Variants in EIF3H observed in about 807,000 individuals in gnomAD.
EIF3H encodes eIF-3-gamma.
Under a neutral mutation model 44.2 loss-of-function variants are expected in EIF3H, and 26 were observed. The ratio of observed to expected loss-of-function variants is 0.59; its 90% confidence interval spans 0.43 to 0.82. The LOEUF (loss-of-function observed/expected upper bound fraction) is 0.82, where lower values mean the gene tolerates loss of function less well. EIF3H is among the 40% of genes least tolerant of loss of function. The probability of loss-of-function intolerance (pLI) is 0.00; values close to 1 mark genes in which losing one functional copy is unlikely to be tolerated. For synonymous variants in EIF3H, 166 were observed against 151.9 expected (o/e 1.09, Z -0.68); for missense variants, 359 against 432.8 (o/e 0.83, Z 1.51).
intron 2 of EIF3H, 87 bp from the exon 3 acceptor site, chr8:116,659,067 T>C (rs1813542911): frequency 8.8e-7 from 1 of 1,133,554 alleles, no homozygotes; most frequent in Non-Finnish European, 1.2e-6. Flanking sequence ...GAAACAAATG[T>C]CTACATAACA....
intron 1 of EIF3H, among the ~76,000 whole-genome samples, chr8:116,737,996 T>C (rs746868140): frequency 1.4e-5 from 2 of 147,078 alleles, no homozygotes; most frequent in East Asian, 2.1e-4. Context: ...GATCGCACTA[T>C]TGCACTCCAG....
intron 2 of EIF3H, among the ~76,000 whole-genome samples, chr8:116,670,284 G>A (rs1016712619): frequency 7.2e-5 from 11 of 152,316 alleles, no homozygotes; most frequent in African/African-American, 2.4e-4. Context: ...ACAAGTATGT[G>A]GGGAGAATGC....
At chr8:116,740,757 C>G (rs4876677) in intron 1 of EIF3H, among the ~76,000 whole-genome samples, 76,393 of 151,906 alleles carry the variant, frequency 0.5, 20,914 homozygotes, top group Non-Finnish European at 0.62. Context: ...TGACTAACTC[C>G]CCAACCCTGT....
At chr8:116,710,608 T>C (rs913464466) in intron 2 of EIF3H, among the ~76,000 whole-genome samples, 2 of 152,250 alleles carry the variant, frequency 1.3e-5, no homozygotes, top group Admixed American at 6.5e-5. Context: ...TAAATAGTAA[T>C]GCCAAGAAGC....
chr8:116,721,033 T>C (rs929872367), intron 2 of EIF3H, among the ~76,000 whole-genome samples: 9 of 152,142 alleles, frequency 5.9e-5, no homozygotes, highest in African/African-American at 1.9e-4. Flanking sequence ...GAGCCAAATG[T>C]GCATCTCCAA....
chr8:116,659,755 A>C (rs998496434), intron 2 of EIF3H, among the ~76,000 whole-genome samples: 6 of 152,230 alleles, frequency 3.9e-5, no homozygotes, highest in Non-Finnish European at 8.8e-5. Flanking sequence ...TATTACCAGA[A>C]AAACAGATTA....
At chr8:116,652,609 T>A (rs985229452) in intron 5 of EIF3H, among the ~76,000 whole-genome samples, 1 of 152,162 alleles carries the variant, frequency 6.6e-6, no homozygotes, top group Non-Finnish European at 1.5e-5. Flanking sequence ...GAAAAAGTGT[T>A]TACGTACGTA....
intron 2 of EIF3H, among the ~76,000 whole-genome samples, chr8:116,662,439 T>A (rs1813599441): frequency 6.6e-6 from 1 of 152,128 alleles, no homozygotes; most frequent in African/African-American, 2.4e-5. Context: ...AAATGCAGTG[T>A]TTGAAAAGAG....
intron 2 of EIF3H, among the ~76,000 whole-genome samples, chr8:116,669,299 T>C (rs958924527): frequency 6.6e-6 from 1 of 152,214 alleles, no homozygotes. Flanking sequence ...ACTGTGCATA[T>C]AACAATATAA....
chr8:116,721,670 C>T (rs899482411), intron 2 of EIF3H, among the ~76,000 whole-genome samples: 4 of 152,204 alleles, frequency 2.6e-5, no homozygotes, highest in African/African-American at 7.2e-5. Flanking sequence ...GACAGAGCTG[C>T]CCACTTCTTG....
intron 2 of EIF3H, among the ~76,000 whole-genome samples, chr8:116,660,310 T>A (rs1228497613): frequency 6.6e-6 from 1 of 152,224 alleles, no homozygotes; most frequent in Non-Finnish European, 1.5e-5. Context: ...AAGTTATATA[T>A]CTGTCATTCT....
At chr8:116,681,378 C>T (rs1378377229) in intron 2 of EIF3H, among the ~76,000 whole-genome samples, 1 of 150,052 alleles carries the variant, frequency 6.7e-6, no homozygotes. Context: ...AAGGTACAAA[C>T]ACTCTATGAC....
At position 116,712,899 on chromosome 8, in the gene EIF3H, T is replaced by C. The variant is rs549527833; in HGVS notation, c.289+13117A>G. 1.2e-4 allele frequency among the ~76,000 whole-genome samples: 18 copies of C among 152,208 alleles called. 1 individual carries two copies. Among genetic ancestry groups the C allele is most frequent in the African/African-American group, 4.1e-4 (17 of 41,552 alleles). On this transcript the variant is annotated intron_variant, in intron 2 of 7. Transcript: ENST00000521861. ...AACATACTTTAGGTAATATATCTAA[T>C]TGGGGGAACGAAACTGAGTACCATT...
At chr8:116,700,480 C>A (rs1814355228) in intron 2 of EIF3H, among the ~76,000 whole-genome samples, 1 of 151,834 alleles carries the variant, frequency 6.6e-6, no homozygotes, top group Non-Finnish European at 1.5e-5. Flanking sequence ...CAAGACAATT[C>A]TTCTTCTTCC....
rs1156363819 is a variant in EIF3H, at chr8:116,642,803, T to C, written c.*2203A>G. ...ACAGAAGCTATTCCCTAACACTACA[T>C]ACTGTGGCGAGTTAATTTCCACTGA... On this transcript the variant is annotated 3_prime_UTR_variant, in exon 8 of 8. Coordinates refer to ENST00000521861, the MANE Select transcript of EIF3H (RefSeq NM_003756.3). The C allele has an allele frequency of 1.3e-5, 2 of 152,226 alleles. No homozygotes were observed. The highest frequency in any genetic ancestry group is 2.4e-5 in the African/African-American group (1 of 41,466). 9.4% of individuals were successfully genotyped at this position (152,226 alleles called of 1,614,324 possible).
intron 1 of EIF3H, among the ~76,000 whole-genome samples, chr8:116,744,093 C>G (rs1297400460): frequency 6.6e-6 from 1 of 151,404 alleles, no homozygotes; most frequent in African/African-American, 2.4e-5. Context: ...TAGGAAAAAC[C>G]TCAAGAAATA....
At chr8:116,755,603 T>C in intron 1 of EIF3H, 63 bp downstream of exon 1, 2 of 1,604,992 alleles carry the variant, frequency 1.2e-6, no homozygotes, top group Non-Finnish European at 1.7e-6. Flanking sequence ...AAAGTACGTC[T>C]GGTGGGACGG....
intron 2 of EIF3H, among the ~76,000 whole-genome samples, chr8:116,691,672 C>T (rs896880177): frequency 8.6e-5 from 13 of 151,998 alleles, no homozygotes; most frequent in African/African-American, 2.4e-4. Context: ...GCCAGGAGTT[C>T]GAGACCAGCC....
At chr8:116,658,600 C>A in intron 3 of EIF3H, 1 of 448,712 alleles carries the variant, frequency 2.2e-6, no homozygotes, top group Non-Finnish European at 3.9e-6. Flanking sequence ...TCCAGCATTC[C>A]AAAATGTACA....
Sources: allele counts gnomAD v4.1 joint callset (sites outside exome capture counted in the v4.1 genomes callset), GRCh38; gene constraint gnomAD v4.1.1; transcripts MANE v1.5; gene names NCBI Gene and HGNC (gene_info 2026-07-23, HGNC 2026-07-21).